Variants in SKI observed in about 807,000 individuals in gnomAD.
The protein encoded by SKI is SKI proto-oncogene.
SKI carries 23 observed loss-of-function variants against 59.3 expected under a neutral mutation model. That is an observed-to-expected ratio of 0.39 (90% CI 0.28 to 0.55). SKI has a LOEUF of 0.55. SKI is among the 20% of genes least tolerant of loss of function. SKI has a pLI of 0.67. For synonymous variants in SKI, 673 were observed against 488.6 expected, an observed-to-expected ratio of 1.38 and a Z score of -4.98; for missense variants, 1,017 against 1,038.9, an observed-to-expected ratio of 0.98 and a Z score of 0.29.
intron 1 of SKI, among the ~76,000 whole-genome samples, chr1:2,253,237 C>A (rs1207362350): frequency 9.2e-5 from 14 of 152,160 alleles, no homozygotes; most frequent in Admixed American, 7.9e-4. Context: ...CCCAGGCCTA[C>A]ATCACAGGCT....
intron 1 of SKI, among the ~76,000 whole-genome samples, chr1:2,271,159 C>A (rs1242615460): frequency 6.6e-6 from 1 of 152,132 alleles, no homozygotes; most frequent in Non-Finnish European, 1.5e-5. Flanking sequence ...TTGGCGACCC[C>A]AGGGTCCCGG....
chr1:2,289,891 C>T (rs1640124928), intron 1 of SKI, among the ~76,000 whole-genome samples: 1 of 151,974 alleles, frequency 6.6e-6, no homozygotes, highest in African/African-American at 2.4e-5. Context: ...GGTGGCCTGG[C>T]CAGGGTGAGC....
At chr1:2,255,617 G>A (rs1569735635) in intron 1 of SKI, among the ~76,000 whole-genome samples, 1 of 150,636 alleles carries the variant, frequency 6.6e-6, no homozygotes, top group Middle Eastern at 3.6e-3. Context: ...GGAACATGCT[G>A]TGTCCTAACT....
chr1:2,235,956 G>A (rs1004545846), intron 1 of SKI, among the ~76,000 whole-genome samples: 1 of 152,204 alleles, frequency 6.6e-6, no homozygotes, highest in Non-Finnish European at 1.5e-5. Context: ...AGATAAAGGG[G>A]GCTTTGAGAG....
rs16824926 is a variant in SKI, at chr1:2,242,417, C to T, written c.969+12682C>T. Reference sequence around the variant, plus strand: ...TGTACCACATCTCTGTCGCTGGAAACGTGGGAAGCCGGGATGTGGCCTACC... The same window carrying T: ...TGTACCACATCTCTGTCGCTGGAAATGTGGGAAGCCGGGATGTGGCCTACC... On this transcript the variant is annotated intron_variant, in intron 1 of 6. Transcript: ENST00000378536. Among the ~76,000 whole-genome samples the T allele has an allele frequency of 4.9e-3, 749 of 152,314 alleles. 3 individuals carry two copies. Among genetic ancestry groups the T allele is most frequent in the African/African-American group, 0.017 (699 of 41,570 alleles).
At chr1:2,241,754 A>G (rs950077520) in intron 1 of SKI, among the ~76,000 whole-genome samples, 3 of 152,208 alleles carry the variant, frequency 2.0e-5, no homozygotes, top group African/African-American at 7.2e-5. Context: ...AAGTGTTTCA[A>G]TATCCACATC....
chr1:2,304,468 G>A lies in SKI; in HGVS notation c.1650G>A (p.Glu550=). Residue 550 remains glutamate, a synonymous_variant, in exon 5 of 7, where the codon GAG becomes GAA. Transcript: ENST00000378536. ...TGGAGCACCTGCGGCAGGCACTGGA[G>A]GGCGGCCTGGACACCAAGGAAGCCA... ...AELEHLRQAL[E]GGLDTKEAKE... is the part of the protein sequence containing the mutation. 1 of 1,571,516 alleles carries A rather than the reference G, an allele frequency of 6.4e-7. No individual in the cohort carries two copies. Among genetic ancestry groups the A allele is most frequent in the African/African-American group, 1.4e-5 (1 of 73,734 alleles).
chr1:2,280,196 C>G (rs903063212), intron 1 of SKI, among the ~76,000 whole-genome samples: 2 of 150,268 alleles, frequency 1.3e-5, no homozygotes, highest in East Asian at 3.9e-4. Context: ...GGTGAAACCA[C>G]GTATCTACTA....
intron 1 of SKI, among the ~76,000 whole-genome samples, chr1:2,296,057 G>A (rs146368007): frequency 6.6e-6 from 1 of 152,230 alleles, no homozygotes; most frequent in African/African-American, 2.4e-5. Context: ...AGGGGTTCCT[G>A]TGTCTCCATG....
At chr1:2,291,399 T>G (rs1204395561) in intron 1 of SKI, among the ~76,000 whole-genome samples, 1 of 152,118 alleles carries the variant, frequency 6.6e-6, no homozygotes, top group Non-Finnish European at 1.5e-5. Context: ...TCAGGCTGGA[T>G]GGGGAGGGTG....
chr1:2,291,005 C>A (rs1230731763), intron 1 of SKI, among the ~76,000 whole-genome samples: 1 of 152,222 alleles, frequency 6.6e-6, no homozygotes. Flanking sequence ...GCCAGGCGGC[C>A]ATTACGGGCC....
intron 1 of SKI, among the ~76,000 whole-genome samples, chr1:2,261,929 G>A (rs1310930224): frequency 6.8e-6 from 1 of 147,372 alleles, no homozygotes; most frequent in Non-Finnish European, 1.5e-5. Flanking sequence ...GGGAGTGGTG[G>A]GAGTGGACGC....
intron 1 of SKI, among the ~76,000 whole-genome samples, chr1:2,242,954 A>G (rs1249840025): frequency 2.0e-5 from 3 of 152,268 alleles, no homozygotes; most frequent in African/African-American, 7.2e-5. Context: ...TGAAAAGCAC[A>G]CCAGCACGGT....
At chr1:2,266,276 C>T (rs987081394) in intron 1 of SKI, among the ~76,000 whole-genome samples, 1 of 152,236 alleles carries the variant, frequency 6.6e-6, no homozygotes, top group South Asian at 2.1e-4. Flanking sequence ...TCCCCAGCCT[C>T]GTGGAGTTTC....
chr1:2,279,449 G>C (rs567385583), intron 1 of SKI, among the ~76,000 whole-genome samples: 1 of 152,280 alleles, frequency 6.6e-6, no homozygotes, highest in South Asian at 2.1e-4. Flanking sequence ...CCGGCCTCTC[G>C]CCTGTTCCCG....
In SKI at chr1:2,268,872, C is replaced by T. The variant is rs925132151; in HGVS notation, c.970-34106C>T. On this transcript the variant is annotated intron_variant, in intron 1 of 6. Coordinates refer to ENST00000378536, the MANE Select transcript of SKI (RefSeq NM_003036.4). This position sits in a 1 kb window ranked among gnomAD's most constrained non-coding sequence, Gnocchi z 5.0. ...TCTTCCCTCCCTCCCTCCCTTCTGC[C>T]TTTCCCCTTTATCCTTTCCCCCCTT... Among the ~76,000 whole-genome samples the T allele has an allele frequency of 1.3e-5, 2 of 151,710 alleles. No individual in the cohort carries two copies. Among genetic ancestry groups the T allele is most frequent in the Non-Finnish European group, 2.9e-5 (2 of 67,920 alleles).
intron 1 of SKI, among the ~76,000 whole-genome samples, chr1:2,236,852 A>G (rs1415585994): frequency 1.3e-5 from 2 of 152,192 alleles, no homozygotes; most frequent in Non-Finnish European, 2.9e-5. Context: ...CCCAGCTCTC[A>G]GCCCTGCCTG....
intron 1 of SKI, among the ~76,000 whole-genome samples, chr1:2,289,977 C>T (rs559814937): frequency 6.6e-5 from 10 of 152,262 alleles, no homozygotes; most frequent in Non-Finnish European, 1.2e-4. Context: ...ATGCCACCTC[C>T]ACAGCCCCCT....
In SKI at chr1:2,304,062, G is replaced by C. The variant is rs1410238560; in HGVS notation, c.1434G>C (p.Lys478Asn). ...LAPVAAPEED[K>N]DSEAEVEVES... is the part of the protein sequence containing the mutation. ...CCGTGGCTGCCCCAGAGGAGGACAAGGACTCGGAGGCGGAGGTGGAAGTTG... is the reference window on the plus strand; with the variant it reads ...CCGTGGCTGCCCCAGAGGAGGACAACGACTCGGAGGCGGAGGTGGAAGTTG... The change falls in exon 4 of 7, where the codon AAG becomes AAC. Residue 478 changes from lysine to asparagine, a missense_variant. Coordinates refer to ENST00000378536, the MANE Select transcript of SKI (RefSeq NM_003036.4). The C allele has an allele frequency of 6.2e-7, 1 of 1,612,622 alleles. No individual in the cohort carries two copies. Among genetic ancestry groups the C allele is most frequent in the Non-Finnish European group, 8.5e-7 (1 of 1,179,920 alleles).
Sources: gnomAD v4.1 joint callset for allele counts (sites outside exome capture counted in the v4.1 genomes callset) on GRCh38, gnomAD v4.1.1 for gene constraint, Gnocchi (gnomAD v3.1) non-coding constraint, MANE v1.5 for transcripts, NCBI Gene and HGNC (gene_info 2026-07-23, HGNC 2026-07-21) for gene names.